The following KIF15 variants were observed in gnomAD, a reference collection of about 807,000 sequenced individuals.
KIF15 encodes the protein kinesin-like protein KIF15.
KIF15 carries 140 observed loss-of-function variants against 190.6 expected under a neutral mutation model. The observed-to-expected ratio is 0.73, with a 90% CI of 0.64 to 0.84. The LOEUF (loss-of-function observed/expected upper bound fraction) is 0.84. KIF15 is among the 40% of genes least tolerant of loss of function. The pLI, the probability that KIF15 is intolerant of heterozygous loss-of-function variation, is 0.00. For synonymous variants in KIF15, 528 were observed against 551.3 expected, an observed-to-expected ratio of 0.96 and a Z score of 0.59; for missense variants, 1,372 against 1,584.4, an observed-to-expected ratio of 0.87 and a Z score of 2.28.
Position 44,815,033 on chromosome 3 carries a change from T to C in KIF15, c.2506T>C (p.Ser836Pro). The C allele has an allele frequency of 1.2e-6, 2 of 1,611,334 alleles. No homozygotes were observed. Among genetic ancestry groups the C allele is most frequent in the African/African-American group, 1.3e-5 (1 of 74,816 alleles). ...TNQEKEFNKL[S>P]ERHMHVQLQL... ...TCAGGAGAAAGAATTCAACAAACTT[T>C]CCGAAAGACACATGCATGTACAGCT... Residue 836 changes from serine (S) to proline (P), a missense_variant, in exon 20 of 35, where the codon TCC becomes CCC. Coordinates refer to ENST00000326047, the MANE Select transcript of KIF15 (RefSeq NM_020242.3).
chr3:44,791,842 C>T (rs1319084435), intron 7 of KIF15, among the ~76,000 whole-genome samples: 4 of 152,058 alleles, frequency 2.6e-5, no homozygotes, highest in Non-Finnish European at 5.9e-5. Context: ...CTCAGCCTCC[C>T]GAGTAGTTGG....
chr3:44,807,327 C>T (rs948772602), intron 16 of KIF15, among the ~76,000 whole-genome samples: 17 of 151,712 alleles, frequency 1.1e-4, no homozygotes, highest in East Asian at 5.8e-4. Flanking sequence ...TGGGTTCAAG[C>T]GATTCTCCTG....
intron 22 of KIF15, 149 bp from the exon 23 acceptor site, chr3:44,827,310 C>T (rs1173868679): frequency 1.7e-6 from 1 of 586,986 alleles, no homozygotes; most frequent in African/African-American, 1.9e-5. Context: ...GAAATGGGTT[C>T]AAATTTCTGA....
rs1232286844 is a variant in KIF15, at chr3:44,794,390, G to T, written c.813G>T (p.Arg271Ser). The change falls in exon 8 of 35, where the codon AGG becomes AGT. Residue 271 changes from arginine to serine, a missense_variant. Transcript: ENST00000326047. ...TGGTGGATTTAGCAGGATCTGAAAG[G>T]CAAAAAGATACCCATGCAGAAGGGA... Reference protein sequence around the residue: ...LNLVDLAGSERQKDTHAEGMR... With the variant: ...LNLVDLAGSESQKDTHAEGMR... 4.4e-6 allele frequency: 7 copies of T among 1,609,036 alleles called. No individual in the cohort carries two copies. The highest frequency in any genetic ancestry group is 5.9e-6 in the Non-Finnish European group (7 of 1,177,628).
At chr3:44,812,318 T>G in intron 18 of KIF15, 29 bp downstream of exon 18, 4 of 1,481,902 alleles carry the variant, frequency 2.7e-6, no homozygotes, top group Non-Finnish European at 3.8e-6. Context: ...CCTCAGAAAA[T>G]GTATGAAGTA....
chr3:44,821,493 G>A (rs529746115), intron 20 of KIF15, among the ~76,000 whole-genome samples: 1,769 of 149,134 alleles, frequency 0.012, 29 homozygotes, highest in African/African-American at 0.04. Context: ...ACGGGGCGGC[G>A]GGGCAGAGGC....
chr3:44,864,174 T>C, intron 6 of KIF15: 1 of 1,612,944 alleles, frequency 6.2e-7, no homozygotes, highest in Non-Finnish European at 8.5e-7. Flanking sequence ...TGGACGTGGC[T>C]GCAGTGACAC....
downstream of KIF15, among the ~76,000 whole-genome samples, chr3:44,857,435 T>C (rs1230301980): frequency 6.6e-6 from 1 of 152,190 alleles, no homozygotes; most frequent in Non-Finnish European, 1.5e-5. Flanking sequence ...GTCAAGTTGT[T>C]TGGACAAAAA....
Position 44,797,569 on chromosome 3 carries a change from C to T in KIF15, c.868C>T (p.Arg290Ter), listed in dbSNP as rs747024134. ...MRLKEAGNINRSLSCLGQVIT... is the reference protein window; with the variant it reads ...MRLKEAGNIN ...ACTTTAGGAAGCAGGTAACATAAAT[C>T]GATCATTGAGCTGCCTGGGCCAAGT... Residue 290 changes from arginine (R) to a stop codon, truncating the protein, a stop_gained, in exon 9 of 35, where the codon CGA becomes TGA. Transcript: ENST00000326047. LOFTEE classifies it high-confidence loss of function. The T allele has an allele frequency of 6.2e-6, 10 of 1,613,870 alleles. No homozygotes were observed. The highest frequency in any genetic ancestry group is 4.4e-5 in the South Asian group (4 of 91,064).
At chr3:44,799,294 A>T (rs1707142678) in intron 10 of KIF15, 1 of 456,616 alleles carries the variant, frequency 2.2e-6, no homozygotes, top group African/African-American at 2.0e-5. Flanking sequence ...TCTCAATGGT[A>T]AGCCCTTTGC....
chr3:44,868,315 A>C (rs1699342199), intron 6 of KIF15, among the ~76,000 whole-genome samples: 1 of 152,220 alleles, frequency 6.6e-6, no homozygotes, highest in South Asian at 2.1e-4. Flanking sequence ...TGACTGAATA[A>C]TACTCCATTG....
In KIF15 at chr3:44,843,127, G is replaced by A. The variant is rs1486522930; in HGVS notation, c.3588G>A (p.Glu1196=). The A allele has an allele frequency of 5.0e-6, 8 of 1,608,192 alleles. No individual in the cohort carries two copies. The highest frequency in any genetic ancestry group is 6.8e-6 in the Non-Finnish European group (8 of 1,176,176). ...VKNAEILRMK[E]QLREMENLRL... ...AAGATACGATTTGATGTTATTAGGA[G>A]CAGTTGCGTGAAATGGAAAACCTAC... Residue 1196 remains glutamate (E), a splice_region_variant and synonymous_variant, in exon 30 of 35, where the codon GAG becomes GAA. Transcript: ENST00000326047.
chr3:44,806,641 T>C (rs2125647689), intron 16 of KIF15, among the ~76,000 whole-genome samples: 1 of 152,340 alleles, frequency 6.6e-6, no homozygotes, highest in African/African-American at 2.4e-5. Context: ...TTTCCTTAGC[T>C]GGGTGTGGTG....
Position 44,841,178 on chromosome 3 carries a change from C to G in KIF15, c.3525C>G (p.His1175Gln). The change falls in exon 29 of 35, where the codon CAC becomes CAG. Residue 1175 changes from histidine (H) to glutamine (Q), a missense_variant. Physicochemically the swap from His to Gln is conservative, Grantham distance 24 (BLOSUM62 0). Transcript: ENST00000326047. ...DGRASKTSLE[H>Q]LVTKLNEDRE... ...GAGCCTCTAAGACTTCTTTGGAACA[C>G]CTTGTAACAAAGCTAAATGAAGACA... The G allele has an allele frequency of 6.2e-7, 1 of 1,612,988 alleles. No individual in the cohort carries two copies. The highest frequency in any genetic ancestry group is 8.5e-7 in the Non-Finnish European group (1 of 1,179,228).
At chr3:44,818,757 TA>T (rs1470711507) in intron 20 of KIF15, among the ~76,000 whole-genome samples, 1 of 152,234 alleles carries the variant, frequency 6.6e-6, no homozygotes, top group East Asian at 1.9e-4. Context: ...GCTGGCCTCA[TA>T]AAATGAGTTA....
At chr3:44,856,336 C>T (rs548926627), downstream of KIF15, among the ~76,000 whole-genome samples, 68 of 152,008 alleles carry the variant, frequency 4.5e-4, no homozygotes, top group South Asian at 6.0e-3. Context: ...ACAATCCCTG[C>T]GGAGTAGCAG....
At chr3:44,868,261 G>T (rs773862902) in intron 6 of KIF15, among the ~76,000 whole-genome samples, 1 of 152,028 alleles carries the variant, frequency 6.6e-6, no homozygotes, top group Admixed American at 6.6e-5. Context: ...TGTTTTCAAG[G>T]CTCATTCATG....
Position 44,763,590 on chromosome 3 carries a change from A to G in KIF15, c.19+1706A>G, listed in dbSNP as rs186783119. ...GCTGGGATTACAGGCATGAGCCACC[A>G]CACCCGGCCCCATGAAGGCTATCTC... On this transcript the variant is annotated intron_variant, in intron 1 of 34. Transcript: ENST00000326047. Among the ~76,000 whole-genome samples, 11 of 151,294 alleles carry G rather than the reference A, an allele frequency of 7.3e-5. No individual in the cohort carries two copies. The South Asian group carries it at 1.7e-3, about 23-fold the overall frequency.
Position 44,830,916 on chromosome 3 carries a change from G to T in KIF15, c.3069G>T (p.Leu1023Phe). 1 of 1,613,758 alleles carries T rather than the reference G, an allele frequency of 6.2e-7. No individual in the cohort carries two copies. The highest frequency in any genetic ancestry group is 8.5e-7 in the Non-Finnish European group (1 of 1,179,922). ...TACAGTGCAAATACAACTCTGCTTT[G>T]GTTGACAGAGAAGAGAGCAGAGTGT... is the stretch of plus-strand genomic sequence containing the variant. ...KDINCKYNSALVDREESRVLI... is the reference protein window; with the variant it reads ...KDINCKYNSAFVDREESRVLI... Residue 1023 changes from leucine (L) to phenylalanine (F), a missense_variant, in exon 26 of 35, where the codon TTG becomes TTT. Coordinates refer to ENST00000326047, the MANE Select transcript of KIF15 (RefSeq NM_020242.3).
Sources: gnomAD v4.1 joint callset for allele counts (sites outside exome capture counted in the v4.1 genomes callset) on GRCh38, gnomAD v4.1.1 for gene constraint, MANE v1.5 for transcripts, NCBI Gene and HGNC (gene_info 2026-07-23, HGNC 2026-07-21) for gene names.